TCEANC2: variants seen among roughly 807,000 people sequenced by gnomAD.
TCEANC2 encodes the protein transcription elongation factor A N-terminal and central domain-containing protein 2.
TCEANC2 carries 20 observed loss-of-function variants against 22.8 expected under a neutral mutation model. That is an observed-to-expected ratio of 0.88 (90% CI 0.62 to 1.28). The LOEUF is 1.28. TCEANC2 is among the 50% of genes most tolerant of loss of function. The pLI, the probability that TCEANC2 is intolerant of heterozygous loss-of-function variation, is 0.00. For synonymous variants in TCEANC2, 84 were observed against 95.5 expected (o/e 0.88, Z 0.70); for missense variants, 251 against 249.7 (o/e 1.01, Z -0.03).
At chr1:54,088,142 T>G (rs1344981065) in intron 3 of TCEANC2, among the ~76,000 whole-genome samples, 35 of 152,214 alleles carry the variant, frequency 2.3e-4, no homozygotes. Flanking sequence ...TGATTGTCTC[T>G]GAATGAATTA....
chr1:54,055,858 T>C (rs930509489), intron 2 of TCEANC2, among the ~76,000 whole-genome samples: 33 of 152,202 alleles, frequency 2.2e-4, no homozygotes, highest in African/African-American at 7.2e-4. Flanking sequence ...AGTTTCCTCA[T>C]CTATAAAACG....
At chr1:54,064,385 T>A (rs1463464962) in intron 2 of TCEANC2, among the ~76,000 whole-genome samples, 1 of 152,096 alleles carries the variant, frequency 6.6e-6, no homozygotes. Context: ...CTCCATAGAG[T>A]GTGAGCTGGC....
chr1:54,082,887 T>G (rs1235078919), intron 3 of TCEANC2, among the ~76,000 whole-genome samples: 2 of 152,120 alleles, frequency 1.3e-5, no homozygotes, highest in African/African-American at 4.8e-5. Context: ...CATTTTGCCT[T>G]CAGTAGAGAG....
chr1:54,091,219 A>G (rs1658441523), intron 4 of TCEANC2, among the ~76,000 whole-genome samples: 1 of 151,874 alleles, frequency 6.6e-6, no homozygotes. Flanking sequence ...TCAGTTTGTT[A>G]TGTCAGAGAA....
At chr1:54,090,955 C>G (rs564330918) in intron 4 of TCEANC2, among the ~76,000 whole-genome samples, 24 of 152,148 alleles carry the variant, frequency 1.6e-4, no homozygotes, top group African/African-American at 5.5e-4. Context: ...TTAGTTTATC[C>G]ATTAATTATC....
In TCEANC2 at chr1:54,105,422, A is replaced by G. The variant is rs985954529; in HGVS notation, c.*8949A>G. On this transcript the variant is annotated 3_prime_UTR_variant, in exon 5 of 5. Transcript: ENST00000234827. Reference sequence around the variant, plus strand: ...GCCATCTCAGCTTCAAGACCCTCCCATGAGACTGGCTGAGGTCTTCATACA... The same window carrying G: ...GCCATCTCAGCTTCAAGACCCTCCCGTGAGACTGGCTGAGGTCTTCATACA... The G allele has an allele frequency of 6.6e-6, 1 of 152,286 alleles. No individual in the cohort carries two copies. Among genetic ancestry groups the G allele is most frequent in the African/African-American group, 2.4e-5 (1 of 41,442 alleles). The allele number at this position is 152,286 out of a possible 1,614,324, so 9.4% of individuals were successfully genotyped here.
chr1:54,061,656 G>A (rs1657859683), intron 2 of TCEANC2, among the ~76,000 whole-genome samples: 1 of 152,046 alleles, frequency 6.6e-6, no homozygotes, highest in Admixed American at 6.6e-5. Context: ...AGATTAAGTA[G>A]CTTGCTTGAA....
At chr1:54,080,889 T>C (rs1042097602) in intron 3 of TCEANC2, among the ~76,000 whole-genome samples, 2 of 152,224 alleles carry the variant, frequency 1.3e-5, no homozygotes, top group African/African-American at 4.8e-5. Flanking sequence ...TAATGACTTT[T>C]TGCAGATCAT....
chr1:54,089,936 G>A, intron 4 of TCEANC2: 1 of 761,432 alleles, frequency 1.3e-6, no homozygotes, highest in Non-Finnish European at 2.3e-6. Context: ...AGAGCCACCG[G>A]AAACGTACAC....
intron 4 of TCEANC2, chr1:54,089,909 G>A (rs1321168809): frequency 5.4e-6 from 4 of 739,612 alleles, no homozygotes; most frequent in Non-Finnish European, 9.5e-6. Flanking sequence ...GAAGCATTCA[G>A]CAAACAATGG....
chr1:54,058,517 T>C (rs954614061), intron 2 of TCEANC2, among the ~76,000 whole-genome samples: 1 of 152,200 alleles, frequency 6.6e-6, no homozygotes, highest in African/African-American at 2.4e-5. Context: ...TTTTTCTGAA[T>C]GACCAAATGA....
chr1:54,102,719 C>T lies in TCEANC2; in HGVS notation c.*6246C>T, dbSNP rs1381621163. 2 of 152,280 alleles carry T rather than the reference C, an allele frequency of 1.3e-5. No homozygotes were observed. Among genetic ancestry groups the T allele is most frequent in the Non-Finnish European group, 1.5e-5 (1 of 68,104 alleles). 9.4% of individuals were successfully genotyped at this position (152,280 alleles called of 1,614,324 possible). A position where few individuals can be genotyped will look rare whatever the true frequency, so the allele number is the denominator to read the frequency against. ...CTGCCTGGGGAGCTCTTTATAATAT[C>T]CAGCTGATAGAAGAGAAAAAAAGCC... is the stretch of plus-strand genomic sequence containing the variant. On this transcript the variant is annotated 3_prime_UTR_variant, in exon 5 of 5. Coordinates refer to ENST00000234827, the MANE Select transcript of TCEANC2 (RefSeq NM_153035.3).
In TCEANC2 at chr1:54,096,757, G is replaced by A; in HGVS notation, c.*284G>A. The A allele has an allele frequency of 8.9e-7, 1 of 1,129,106 alleles. No individual in the cohort carries two copies. Among genetic ancestry groups the A allele is most frequent in the Non-Finnish European group, 1.1e-6 (1 of 918,626 alleles). The allele number at this position is 1,129,106 out of a possible 1,614,324, so 69.9% of individuals were successfully genotyped here. A position where few individuals can be genotyped will look rare whatever the true frequency, so the allele number is the denominator to read the frequency against. ...TCACCCAACATGGTGAAAGGGTGAT[G>A]GATTTCACTGTGAATATGCCAAGGA... On this transcript the variant is annotated 3_prime_UTR_variant, in exon 5 of 5. Coordinates refer to ENST00000234827, the MANE Select transcript of TCEANC2 (RefSeq NM_153035.3). The surrounding 1 kb of genome is among the most constrained non-coding windows in gnomAD (Gnocchi z 4.9).
intron 4 of TCEANC2, chr1:54,090,016 C>T: frequency 1.5e-6 from 1 of 675,174 alleles, no homozygotes; most frequent in Non-Finnish European, 2.8e-6. Context: ...GCTATATGGA[C>T]ATAGGTAGCA....
chr1:54,082,533 C>T (rs553940242), intron 3 of TCEANC2, among the ~76,000 whole-genome samples: 1 of 152,270 alleles, frequency 6.6e-6, no homozygotes, highest in Non-Finnish European at 1.5e-5. Context: ...TGCCCTCAAC[C>T]CGTTTACAGT....
chr1:54,069,969 G>A (rs1230485731), intron 3 of TCEANC2, among the ~76,000 whole-genome samples: 1 of 152,126 alleles, frequency 6.6e-6, no homozygotes, highest in Non-Finnish European at 1.5e-5. Flanking sequence ...TGCTGTTCTT[G>A]CCCTCACTAG....
chr1:54,079,987 G>T (rs960879381), intron 3 of TCEANC2, among the ~76,000 whole-genome samples: 1 of 152,120 alleles, frequency 6.6e-6, no homozygotes, highest in Non-Finnish European at 1.5e-5. Flanking sequence ...AGCGCATCCA[G>T]CCCTTGTTGC....
At chr1:54,094,953 A>G (rs1658517067) in intron 4 of TCEANC2, among the ~76,000 whole-genome samples, 1 of 152,204 alleles carries the variant, frequency 6.6e-6, no homozygotes, top group South Asian at 2.1e-4. Flanking sequence ...AGTCTGGGCA[A>G]CATAGCAAGA....
chr1:54,060,546 G>C (rs1657832933), intron 2 of TCEANC2, among the ~76,000 whole-genome samples: 1 of 152,052 alleles, frequency 6.6e-6, no homozygotes, highest in Admixed American at 6.6e-5. Context: ...TCCAGCCTGG[G>C]CAACAGAGCA....
Sources: gnomAD v4.1 joint callset for allele counts (sites outside exome capture counted in the v4.1 genomes callset) on GRCh38, gnomAD v4.1.1 for gene constraint, Gnocchi (gnomAD v3.1) non-coding constraint, MANE v1.5 for transcripts, NCBI Gene and HGNC (gene_info 2026-07-23, HGNC 2026-07-21) for gene names.